The following TXLNG variants were observed in gnomAD, a reference collection of about 807,000 sequenced individuals.
TXLNG encodes gamma-taxilin.
TXLNG carries 5 observed loss-of-function variants against 38.8 expected under a neutral mutation model. That is an observed-to-expected ratio of 0.13 (90% confidence interval 0.07 to 0.27). The LOEUF is 0.27. Ranked by LOEUF, TXLNG falls within the 10% of genes least tolerant of loss-of-function variation. The pLI, the probability that TXLNG is intolerant of heterozygous loss-of-function variation, is 1.00. For synonymous variants in TXLNG, 182 were observed against 158.2 expected (o/e 1.15, Z -1.13); for missense variants, 393 against 398.2 (o/e 0.99, Z 0.11).
Position 16,841,772 on chromosome X carries a change from G to A in TXLNG, c.*6G>A, listed in dbSNP as rs779180594. On this transcript the variant is annotated 3_prime_UTR_variant, in exon 10 of 10. Transcript: ENST00000380122. The stretch of plus-strand genomic sequence containing the variant: ...CCATCGAGTCGGTTGACTAAGATGA[G>A]GTGTGATCACTGTATTGAGAGATAT... The A allele has an allele frequency of 2.5e-6, 3 of 1,200,780 alleles. No individual in the cohort carries two copies. The highest frequency in any genetic ancestry group is 3.6e-5 in the South Asian group (2 of 55,386).
rs1033030031 is a variant in TXLNG, at chrX:16,801,028, G to A, written c.102+14439G>A. On this transcript the variant is annotated intron_variant, in intron 1 of 9. Transcript: ENST00000380122. ...CCTTAGCTCTCTTGCTTCTGCTCTC[G>A]CTGTGTGGCACGCCTGCTCCTGTTT... 8.0e-5 allele frequency among the ~76,000 whole-genome samples: 9 copies of A among 112,226 alleles called. No individual in the cohort carries two copies. The East Asian group carries it at 2.3e-3, about 28-fold the overall frequency.
rs1046798850 is a variant in TXLNG at position 16,842,838 on chromosome X, T to C, written c.*1072T>C. 9.0e-6 allele frequency: 1 copy of C among 111,467 alleles called. No homozygotes were observed. Among genetic ancestry groups the C allele is most frequent in the Non-Finnish European group, 1.9e-5 (1 of 53,062 alleles). 9.2% of individuals were successfully genotyped at this position (111,467 alleles called of 1,213,427 possible). A position where few individuals can be genotyped will look rare whatever the true frequency, so the allele number is the denominator to read the frequency against. On this transcript the variant is annotated 3_prime_UTR_variant, in exon 10 of 10. Coordinates refer to ENST00000380122, the MANE Select transcript of TXLNG (RefSeq NM_018360.3). ...TTTACTTTGGGAAGACTTGGCAGAG[T>C]GTTAGTCATGATCTGTTACTTACGT...
chrX:16,808,290 G>A (rs1490470196), intron 1 of TXLNG, among the ~76,000 whole-genome samples: 1 of 111,906 alleles, frequency 8.9e-6, no homozygotes, highest in Non-Finnish European at 1.9e-5. Context: ...CATAGCTTTT[G>A]TGTCTTGATT....
intron 1 of TXLNG, among the ~76,000 whole-genome samples, chrX:16,814,884 A>G (rs1602378046): frequency 8.9e-6 from 1 of 112,253 alleles, no homozygotes; most frequent in Non-Finnish European, 1.9e-5. Flanking sequence ...AGGGAATTGT[A>G]TGGTATGTGA....
In TXLNG at chrX:16,786,508, G is replaced by T; in HGVS notation, c.21G>T (p.Glu7Asp). 9.0e-7 allele frequency: 1 copy of T among 1,113,158 alleles called. No homozygotes were observed. The highest frequency in any genetic ancestry group is 2.1e-5 in the South Asian group (1 of 47,386). The allele number at this position is 1,113,158 out of a possible 1,213,427, so 91.7% of individuals were successfully genotyped here. The change falls in exon 1 of 10, where the codon GAG (glutamate) becomes GAT (aspartate). Residue 7 changes from glutamate (E) to aspartate (D), a missense_variant. Transcript: ENST00000380122. MATRVE[E>D]AARGRGGGAE... is the part of the protein sequence containing the mutation. ...ACCTCATGGCGACGCGGGTAGAGGA[G>T]GCAGCGCGGGGAAGAGGCGGCGGCG...
chrX:16,828,329 G>A (rs1185366208), intron 4 of TXLNG, 65 bp downstream of exon 4: 1 of 1,043,205 alleles, frequency 9.6e-7, no homozygotes, highest in Non-Finnish European at 1.3e-6. Flanking sequence ...TCAACCCTGT[G>A]CCTATCTGAA....
At chrX:16,801,611 A>G (rs956422353) in intron 1 of TXLNG, among the ~76,000 whole-genome samples, 3 of 110,372 alleles carry the variant, frequency 2.7e-5, no homozygotes, top group African/African-American at 6.9e-5. Flanking sequence ...TCAGTGGTCA[A>G]CTGATTTATT....
intron 1 of TXLNG, among the ~76,000 whole-genome samples, chrX:16,787,507 C>T (rs1277777961): frequency 9.0e-6 from 1 of 111,544 alleles, no homozygotes; most frequent in Admixed American, 9.5e-5. Flanking sequence ...CCTTACTTGA[C>T]TCACGTCAAG....
intron 1 of TXLNG, among the ~76,000 whole-genome samples, chrX:16,787,340 G>T (rs1181700962): frequency 9.0e-6 from 1 of 110,823 alleles, no homozygotes; most frequent in Non-Finnish European, 1.9e-5. Context: ...ATGATAGCTG[G>T]TCCTCCCAGT....
intron 3 of TXLNG, among the ~76,000 whole-genome samples, chrX:16,822,475 G>A (rs1251827450): frequency 2.7e-5 from 3 of 111,882 alleles, no homozygotes. Flanking sequence ...CAGTGAAAAT[G>A]TCCCAGAGCA....
In TXLNG at chrX:16,843,172, A is replaced by G. The variant is rs1929925942; in HGVS notation, c.*1406A>G. The G allele has an allele frequency of 8.9e-6, 1 of 112,506 alleles. No homozygotes were observed. The highest frequency in any genetic ancestry group is 1.9e-5 in the Non-Finnish European group (1 of 53,300). The allele number at this position is 112,506 out of a possible 1,213,427, so 9.3% of individuals were successfully genotyped here. On this transcript the variant is annotated 3_prime_UTR_variant, in exon 10 of 10. Transcript: ENST00000380122. Reference sequence around the variant, plus strand: ...TCCACTGAGCAAAACTATCAGACTGACACTTGTTAAATTGCTTACTGGACT... The same window carrying G: ...TCCACTGAGCAAAACTATCAGACTGGCACTTGTTAAATTGCTTACTGGACT...
chrX:16,833,183 C>CACTTT (rs1024466608), intron 6 of TXLNG, among the ~76,000 whole-genome samples: 2 of 112,181 alleles, frequency 1.8e-5, no homozygotes, highest in Non-Finnish European at 3.8e-5. Context: ...TGTTTTCAAA[C>CACTTT]AAGTAACTTG....
intron 1 of TXLNG, among the ~76,000 whole-genome samples, chrX:16,813,045 A>C (rs907041355): frequency 1.8e-5 from 2 of 111,010 alleles, no homozygotes; most frequent in African/African-American, 3.3e-5. Flanking sequence ...TCATCTGAAA[A>C]ATATATCTGG....
At chrX:16,805,123 G>C (rs926802672) in intron 1 of TXLNG, among the ~76,000 whole-genome samples, 1 of 105,597 alleles carries the variant, frequency 9.5e-6, no homozygotes, top group Non-Finnish European at 1.9e-5. Flanking sequence ...AGCTGGGACC[G>C]CAGATGTGTG....
chrX:16,816,595 T>C (rs1928753813), intron 1 of TXLNG, among the ~76,000 whole-genome samples: 1 of 112,636 alleles, frequency 8.9e-6, no homozygotes, highest in Non-Finnish European at 1.9e-5. Context: ...TTTCAGTATT[T>C]GTAAGTTTTT....
intron 1 of TXLNG, among the ~76,000 whole-genome samples, chrX:16,799,374 C>G (rs1927999254): frequency 8.9e-6 from 1 of 111,735 alleles, no homozygotes; most frequent in African/African-American, 3.3e-5. Context: ...TAATGGCTTC[C>G]TCCCCTCACT....
intron 3 of TXLNG, among the ~76,000 whole-genome samples, chrX:16,821,679 A>G (rs1928963795): frequency 8.9e-6 from 1 of 112,026 alleles, no homozygotes; most frequent in Non-Finnish European, 1.9e-5. Flanking sequence ...TTTTTAAATC[A>G]ATGATCAGCT....
At chrX:16,837,556 A>C in intron 7 of TXLNG, 37 bp from the exon 8 acceptor site, 1 of 1,048,706 alleles carries the variant, frequency 9.5e-7, no homozygotes, top group Non-Finnish European at 1.3e-6. Context: ...AATTGTTTGC[A>C]TGGAACTCAG....
At chrX:16,824,408 A>G (rs1276654448) in intron 3 of TXLNG, among the ~76,000 whole-genome samples, 1 of 112,197 alleles carries the variant, frequency 8.9e-6, no homozygotes, top group Non-Finnish European at 1.9e-5. Context: ...CACCAGAGGC[A>G]ACAATCAATT....
Sources: gnomAD v4.1 joint callset for allele counts (sites outside exome capture counted in the v4.1 genomes callset) on GRCh38, gnomAD v4.1.1 for gene constraint, MANE v1.5 for transcripts, NCBI Gene and HGNC (gene_info 2026-07-23, HGNC 2026-07-21) for gene names.